The following MYO10 variants were observed in gnomAD, a reference collection of about 807,000 sequenced individuals.
The protein encoded by MYO10 is myosin X.
Under a neutral mutation model 257.3 loss-of-function variants are expected in MYO10, and 133 were observed. That is an observed-to-expected ratio of 0.52 (90% confidence interval 0.45 to 0.60). MYO10 has a LOEUF of 0.60. Ranked by LOEUF, MYO10 falls within the 20% of genes least tolerant of loss-of-function variation. The pLI is 0.00. For synonymous variants in MYO10, 1,104 were observed against 1,028.6 expected, an observed-to-expected ratio of 1.07 and a Z score of -1.40; for missense variants, 2,399 against 2,635.7, an observed-to-expected ratio of 0.91 and a Z score of 1.97.
Position 16,846,085 on chromosome 5 carries a change from G to A in MYO10, c.121-27918C>T, listed in dbSNP as rs559711332. On this transcript the variant is annotated intron_variant, in intron 2 of 40. Coordinates refer to ENST00000513610, the MANE Select transcript of MYO10 (RefSeq NM_012334.3). ...CCCAGATGCTCAAATCCAAAGTTCT[G>A]GGAGCCACAGAATACAGTGTCCAGG... is the stretch of plus-strand genomic sequence containing the variant. Among the ~76,000 whole-genome samples the A allele has an allele frequency of 1.4e-3, 218 of 152,276 alleles. 1 individual carries two copies. The highest frequency in any genetic ancestry group is 5.2e-3 in the African/African-American group (215 of 41,552).
intron 1 of MYO10, chr5:16,902,637 G>A (rs1188671540): frequency 1.4e-5 from 20 of 1,466,106 alleles, no homozygotes; most frequent in Non-Finnish European, 1.8e-5. Flanking sequence ...TCTTTTCTTT[G>A]TCATCTTGGA....
rs187959557 is a variant in MYO10, at chr5:16,856,159, T to C, written c.120+21450A>G. Among the ~76,000 whole-genome samples, 28 of 152,348 alleles carry C rather than the reference T, an allele frequency of 1.8e-4. 1 individual carries two copies. In the East Asian group the frequency reaches 5.4e-3, roughly 29 times the overall value. Reference sequence around the variant, plus strand: ...GGATTTCTTTTCCCTTAAAAATTCATTAGAATAATCAATCGTATGACACAT... The same window carrying C: ...GGATTTCTTTTCCCTTAAAAATTCACTAGAATAATCAATCGTATGACACAT... On this transcript the variant is annotated intron_variant, in intron 2 of 40. Coordinates refer to ENST00000513610, the MANE Select transcript of MYO10 (RefSeq NM_012334.3).
chr5:16,702,444 T>C, intron 24 of MYO10, 99 bp downstream of exon 24: 13 of 1,130,348 alleles, frequency 1.2e-5, no homozygotes, highest in Non-Finnish European at 1.7e-5. Flanking sequence ...CTTCCTGTTA[T>C]CTTTCTACTT....
At chr5:16,837,954 T>C (rs1743363252) in intron 2 of MYO10, among the ~76,000 whole-genome samples, 1 of 152,190 alleles carries the variant, frequency 6.6e-6, no homozygotes, top group Admixed American at 6.5e-5. Context: ...GATGCTCCTA[T>C]TGTAATTGTT....
At chr5:16,753,316 G>A (rs1315157621) in intron 19 of MYO10, among the ~76,000 whole-genome samples, 2 of 151,180 alleles carry the variant, frequency 1.3e-5, no homozygotes, top group East Asian at 3.9e-4. Context: ...ACAGGCACCT[G>A]CCACCACACC....
chr5:16,708,088 A>G (rs531120084), intron 21 of MYO10, among the ~76,000 whole-genome samples: 1 of 152,362 alleles, frequency 6.6e-6, no homozygotes, highest in South Asian at 2.1e-4. Context: ...TCAAGAAGCC[A>G]CAATTCAAAT....
chr5:16,867,130 G>A (rs1370556341), intron 2 of MYO10, among the ~76,000 whole-genome samples: 4 of 152,242 alleles, frequency 2.6e-5, no homozygotes, highest in African/African-American at 7.2e-5. Context: ...CTGCTGGAAC[G>A]TGTGGGCCTT....
At chr5:16,866,255 A>G (rs1162521324) in intron 2 of MYO10, among the ~76,000 whole-genome samples, 1 of 152,228 alleles carries the variant, frequency 6.6e-6, no homozygotes, top group Non-Finnish European at 1.5e-5. Context: ...CAACGGCACC[A>G]GCGTTAAAGC....
chr5:16,898,937 G>GAGATCGAGA (rs1399284404), intron 1 of MYO10, among the ~76,000 whole-genome samples: 6 of 121,754 alleles, frequency 4.9e-5, no homozygotes, highest in Admixed American at 1.9e-4. Context: ...CCTGAGCCTG[G>GAGATCGAGA]CCACCTGGCC....
chr5:16,833,947 C>A (rs1352403373), intron 2 of MYO10, among the ~76,000 whole-genome samples: 1 of 152,184 alleles, frequency 6.6e-6, no homozygotes, highest in African/African-American at 2.4e-5. Context: ...GATTGGAATT[C>A]TCTGACAGTT....
chr5:16,865,491 T>C (rs888385013), intron 2 of MYO10, among the ~76,000 whole-genome samples: 3 of 152,222 alleles, frequency 2.0e-5, no homozygotes, highest in East Asian at 3.8e-4. Flanking sequence ...GCTATTATTT[T>C]GTAAAACAGT....
At chr5:16,825,726 G>A (rs920741504) in intron 2 of MYO10, among the ~76,000 whole-genome samples, 13 of 152,186 alleles carry the variant, frequency 8.5e-5, no homozygotes, top group African/African-American at 3.1e-4. Flanking sequence ...GCATATGCCG[G>A]TAATCCCAGC....
At chr5:16,918,500 CT>C (rs5866221) in intron 1 of MYO10, among the ~76,000 whole-genome samples, 10 of 117,690 alleles carry the variant, frequency 8.5e-5, no homozygotes, top group Admixed American at 3.0e-4. Context: ...TTTTTCTTTT[CT>C]TTTTTTTTTT....
At position 16,850,111 on chromosome 5, in the gene MYO10, TAC is replaced by T. The variant is rs200311743; in HGVS notation, c.120+27496_120+27497del. 3.4e-3 allele frequency among the ~76,000 whole-genome samples: 514 copies of T among 152,344 alleles called. 2 individuals carry two copies. The highest frequency in any genetic ancestry group is 0.012 in the African/African-American group (492 of 41,586). On this transcript the variant is annotated intron_variant, in intron 2 of 40. Transcript: ENST00000513610. ...TAGGCAAGTAAAAAATTTATTGGTCTACACTGATATCCTTCAGTGTATTCGTA... is the reference window on the plus strand; with the variant it reads ...TAGGCAAGTAAAAAATTTATTGGTCTACTGATATCCTTCAGTGTATTCGTA...
At chr5:16,741,885 T>C (rs1349513411) in intron 19 of MYO10, 7 of 985,314 alleles carry the variant, frequency 7.1e-6, no homozygotes, top group Non-Finnish European at 8.4e-6. Context: ...GCATCTAAGC[T>C]GACAGACACA....
At chr5:16,893,869 G>A (rs2562347) in intron 1 of MYO10, among the ~76,000 whole-genome samples, 88,424 of 151,772 alleles carry the variant, frequency 0.58, 26,535 homozygotes, top group African/African-American at 0.73. Context: ...ACTCTTCTCC[G>A]AGGACACAGC....
chr5:16,703,022 G>A lies in MYO10; in HGVS notation c.2413C>T (p.Arg805Trp), dbSNP rs772784572. 2.9e-5 allele frequency: 45 copies of A among 1,552,436 alleles called. No homozygotes were observed. The highest frequency in any genetic ancestry group is 2.0e-5 in the Admixed American group (1 of 50,966). ...GCCAGCAATTGTCTGTAAACTCTCCGAGCAATCTGACCTCTGAGTTGCTTC... is the reference window on the plus strand; with the variant it reads ...GCCAGCAATTGTCTGTAAACTCTCCAAGCAATCTGACCTCTGAGTTGCTTC... ...FQKQLRGQIA[R>W]RVYRQLLAEK... Residue 805 changes from arginine (R) to tryptophan (W), a missense_variant, in exon 23 of 41, where the codon CGG becomes TGG. By Grantham distance (101) the Arg-to-Trp change is moderately radical. Coordinates refer to ENST00000513610, the MANE Select transcript of MYO10 (RefSeq NM_012334.3).
chr5:16,731,475 G>A (rs1001722099), intron 19 of MYO10, among the ~76,000 whole-genome samples: 5 of 151,996 alleles, frequency 3.3e-5, no homozygotes, highest in African/African-American at 1.2e-4. Flanking sequence ...TCCTGAGTGA[G>A]TAGTTAGGAC....
chr5:16,809,002 G>GT (rs1742354109), intron 3 of MYO10, among the ~76,000 whole-genome samples: 1 of 99,922 alleles, frequency 1.0e-5, no homozygotes, highest in East Asian at 2.9e-4. Context: ...GAGAGACAAG[G>GT]AAGAAAAAAA....
Sources: allele counts gnomAD v4.1 joint callset (sites outside exome capture counted in the v4.1 genomes callset), GRCh38; gene constraint gnomAD v4.1.1; transcripts MANE v1.5; gene names NCBI Gene and HGNC (gene_info 2026-07-23, HGNC 2026-07-21).